The following PRKN variants were observed in gnomAD, a reference collection of about 807,000 sequenced individuals.
The protein encoded by PRKN is parkin RBR E3 ubiquitin protein ligase.
Under a neutral mutation model 59.5 loss-of-function variants are expected in PRKN, and 56 were observed. The ratio of observed to expected loss-of-function variants is 0.94; its 90% CI spans 0.76 to 1.18. PRKN has a LOEUF of 1.18. PRKN is among the 50% of genes most tolerant of loss of function. The pLI is 0.00. For missense variants in PRKN, 657 were observed against 596.4 expected (o/e 1.10, Z -1.06); for synonymous variants, 250 against 222.1 (o/e 1.13, Z -1.12).
chr6:161,769,744 G>T (rs138315334), intron 7 of PRKN, among the ~76,000 whole-genome samples: 2 of 152,218 alleles, frequency 1.3e-5, no homozygotes, highest in African/African-American at 4.8e-5. Context: ...TGGATGTGGG[G>T]ATTAAGCTTG....
chr6:162,309,916 T>C lies in PRKN; in HGVS notation c.172-47151A>G, dbSNP rs78309328. ...GTGTGTTGTTCCCTATATGTATTCA[T>C]GTGTTCTCATGACTTAGCTCCCACT... On this transcript the variant is annotated intron_variant, in intron 2 of 11. Coordinates refer to ENST00000366898, the MANE Select transcript of PRKN (RefSeq NM_004562.3). Among the ~76,000 whole-genome samples the C allele has an allele frequency of 2.2e-3, 336 of 152,248 alleles. 10 individuals carry two copies. The East Asian group carries it at 0.025, about 11-fold the overall frequency.
At chr6:161,866,102 TGTG>T (rs1337962659) in intron 6 of PRKN, among the ~76,000 whole-genome samples, 4 of 152,110 alleles carry the variant, frequency 2.6e-5, no homozygotes, top group African/African-American at 9.7e-5. Context: ...GGGAGAGAGA[TGTG>T]GTGATGGGCG....
At chr6:162,438,151 T>C (rs1205071751) in intron 2 of PRKN, among the ~76,000 whole-genome samples, 1 of 152,236 alleles carries the variant, frequency 6.6e-6, no homozygotes, top group African/African-American at 2.4e-5. Context: ...TATTTCTTTA[T>C]ACATTCTTAA....
chr6:161,777,415 T>C (rs1346202754), intron 7 of PRKN, among the ~76,000 whole-genome samples: 1 of 152,024 alleles, frequency 6.6e-6, no homozygotes, highest in Non-Finnish European at 1.5e-5. Flanking sequence ...ATTGGTTCAT[T>C]GTTGCCTGGC....
chr6:162,340,715 T>C (rs1363670507), intron 2 of PRKN, among the ~76,000 whole-genome samples: 1 of 152,188 alleles, frequency 6.6e-6, no homozygotes, highest in African/African-American at 2.4e-5. Flanking sequence ...TTGGGAAAAC[T>C]GGCTAGCCAT....
At chr6:162,301,078 G>T (rs188667073) in intron 2 of PRKN, among the ~76,000 whole-genome samples, 47 of 151,590 alleles carry the variant, frequency 3.1e-4, no homozygotes, top group Middle Eastern at 3.4e-3. Context: ...TTTTATAGAA[G>T]AAATCGTTTA....
rs1283320366 is a variant in PRKN at position 162,010,537 on chromosome 6, A to AAT, written c.619-37122_619-37121dup. 7.3e-4 allele frequency among the ~76,000 whole-genome samples: 12 copies of AAT among 16,492 alleles called. 5 individuals carry two copies. The African/African-American group carries it at 7.3e-3, about 10-fold the overall frequency. 10.8% of individuals were successfully genotyped at this position (16,492 alleles called of 152,430 possible). A position where few individuals can be genotyped will look rare whatever the true frequency, so the allele number is the denominator to read the frequency against. On this transcript the variant is annotated intron_variant, in intron 5 of 11. Transcript: ENST00000366898. ...TTATATATTATATAATATATTATATAATGTATTATATTATATATTATATAA... is the reference window on the plus strand; with the variant it reads ...TTATATATTATATAATATATTATATAATATGTATTATATTATATATTATATAA...
At chr6:161,703,833 CTCTCTCTTTTTTTTTTTTTTT>C (rs1476088072) in intron 7 of PRKN, among the ~76,000 whole-genome samples, 1 of 127,582 alleles carries the variant, frequency 7.8e-6, no homozygotes, top group African/African-American at 3.3e-5. Flanking sequence ...CTCTCTCTCT[CTCTCTCTTTTTTTTTTTTTTT>C]TTTTTTTTTT....
intron 1 of PRKN, among the ~76,000 whole-genome samples, chr6:162,713,076 G>A (rs539872485): frequency 2.0e-5 from 3 of 152,304 alleles, no homozygotes; most frequent in Admixed American, 6.5e-5. Context: ...TGAATAAGAA[G>A]TGCTACTAGA....
intron 7 of PRKN, among the ~76,000 whole-genome samples, chr6:161,680,720 G>A (rs1785284884): frequency 1.1e-5 from 1 of 94,000 alleles, no homozygotes; most frequent in East Asian, 3.0e-4. Flanking sequence ...AAAACATCCT[G>A]AAATACATAT....
intron 6 of PRKN, among the ~76,000 whole-genome samples, chr6:161,949,316 G>A (rs1784602): frequency 0.25 from 38,060 of 152,112 alleles, 5,292 homozygotes; most frequent in East Asian, 0.31. Context: ...TTCGAGACCA[G>A]CCTGGCCAAC....
chr6:162,412,183 A>T (rs12333092), intron 2 of PRKN, among the ~76,000 whole-genome samples: 1 of 152,158 alleles, frequency 6.6e-6, no homozygotes, highest in Admixed American at 6.5e-5. Flanking sequence ...TACTGCCATA[A>T]TATTGGAACG....
intron 2 of PRKN, among the ~76,000 whole-genome samples, chr6:162,262,980 G>A (rs563645748): frequency 1.1e-4 from 16 of 152,166 alleles, no homozygotes; most frequent in Middle Eastern, 3.4e-3. Flanking sequence ...TTGGGAATAC[G>A]TGAAACACAA....
At chr6:161,486,234 G>A (rs934905722) in intron 9 of PRKN, among the ~76,000 whole-genome samples, 8 of 123,624 alleles carry the variant, frequency 6.5e-5, no homozygotes, top group African/African-American at 2.5e-4. Context: ...GATAAGTGTG[G>A]CAAACAGTTA....
chr6:162,151,121 T>C (rs369000811), intron 4 of PRKN, among the ~76,000 whole-genome samples: 5 of 152,312 alleles, frequency 3.3e-5, no homozygotes, highest in South Asian at 2.1e-4. Context: ...TACTGAAGAA[T>C]GTAAGAACTG....
At chr6:162,489,308 G>A (rs942291574) in intron 1 of PRKN, among the ~76,000 whole-genome samples, 1 of 152,126 alleles carries the variant, frequency 6.6e-6, no homozygotes, top group African/African-American at 2.4e-5. Flanking sequence ...AGCGACATAT[G>A]AAAAGCTGAA....
intron 6 of PRKN, among the ~76,000 whole-genome samples, chr6:161,816,064 CTCTGTTTGA>C (rs1791767110): frequency 6.6e-6 from 1 of 152,110 alleles, no homozygotes; most frequent in Non-Finnish European, 1.5e-5. Context: ...CTCCTGGCAG[CTCTGTTTGA>C]AATAGCCCCA....
At chr6:161,643,710 A>G (rs1274405348) in intron 7 of PRKN, among the ~76,000 whole-genome samples, 3 of 152,198 alleles carry the variant, frequency 2.0e-5, no homozygotes, top group Non-Finnish European at 4.4e-5. Context: ...GTCATCTCAA[A>G]AATTATCTGA....
Position 161,562,454 on chromosome 6 carries a change from C to T in PRKN, c.933+6901G>A, listed in dbSNP as rs541621258. ...GTGTTCCTTACGGTTCATCCAATCA[C>T]GGTCTCTCCTTTCTTGGCTTCTTCT... On this transcript the variant is annotated intron_variant, in intron 8 of 11. Coordinates refer to ENST00000366898, the MANE Select transcript of PRKN (RefSeq NM_004562.3). The surrounding 1 kb of genome is among the most constrained non-coding windows in gnomAD (Gnocchi z 4.3). Among the ~76,000 whole-genome samples the T allele has an allele frequency of 2.6e-4, 39 of 152,302 alleles. No homozygotes were observed. The highest frequency in any genetic ancestry group is 3.4e-3 in the Middle Eastern group (1 of 294).
Sources: allele counts gnomAD v4.1 joint callset (sites outside exome capture counted in the v4.1 genomes callset), GRCh38; gene constraint gnomAD v4.1.1; non-coding constraint Gnocchi (gnomAD v3.1); transcripts MANE v1.5; gene names NCBI Gene and HGNC (gene_info 2026-07-23, HGNC 2026-07-21).